The following GALNT9 variants were observed in gnomAD, a reference collection of about 807,000 sequenced individuals.
The protein encoded by GALNT9 is GalNAc transferase 9.
A neutral mutation model predicts 63.1 loss-of-function variants in GALNT9; 47 were observed. The ratio of observed to expected loss-of-function variants is 0.75; its 90% CI spans 0.59 to 0.95. The LOEUF is 0.95. GALNT9 is among the 40% of genes least tolerant of loss of function. The probability of loss-of-function intolerance (pLI) is 0.00; values close to 1 mark genes in which losing one functional copy is unlikely to be tolerated. For missense variants in GALNT9, 829 were observed against 874.8 expected (o/e 0.95, Z 0.66); for synonymous variants, 396 against 365.7 (o/e 1.08, Z -0.94).
At chr12:132,269,892 G>A (rs1879804720) in intron 2 of GALNT9, among the ~76,000 whole-genome samples, 1 of 152,198 alleles carries the variant, frequency 6.6e-6, no homozygotes, top group Non-Finnish European at 1.5e-5. Flanking sequence ...CAGTTTCCCA[G>A]ATAACTTAGG....
At chr12:132,197,291 C>T (rs375220597) in intron 10 of GALNT9, 38 bp from the exon 11 acceptor site, 97 of 1,600,886 alleles carry the variant, frequency 6.1e-5, no homozygotes, top group African/African-American at 3.9e-4. Context: ...CAGGTGCAGG[C>T]GTCCTTGTTC....
rs2136895098 is a variant in GALNT9, at chr12:132,236,978, C to T, written c.1077+10932G>A. 7.9e-5 allele frequency among the ~76,000 whole-genome samples: 12 copies of T among 152,322 alleles called. No homozygotes were observed. The highest frequency in any genetic ancestry group is 3.9e-4 in the Admixed American group (6 of 15,306). On this transcript the variant is annotated intron_variant, in intron 6 of 10. Transcript: ENST00000328957. The surrounding 1 kb of genome is among the most constrained non-coding windows in gnomAD (Gnocchi z 5.6). ...TATCCTCATCCAATCTGGTAACCCT[C>T]GTATCCTGGATCTCTCCGGGTGCTC...
At chr12:132,287,072 C>A (rs868938554) in intron 1 of GALNT9, among the ~76,000 whole-genome samples, 11 of 107,516 alleles carry the variant, frequency 1.0e-4, no homozygotes, top group Non-Finnish European at 1.9e-4. Flanking sequence ...CCCCCCCCCC[C>A]CCGTGAGCCA....
intron 1 of GALNT9, among the ~76,000 whole-genome samples, chr12:132,291,407 C>T (rs1483396755): frequency 3.2e-5 from 4 of 124,162 alleles, no homozygotes; most frequent in Non-Finnish European, 5.0e-5. Context: ...ACGTCCACAG[C>T]GCACACGTCC....
At chr12:132,244,984 G>C (rs1237988891) in intron 6 of GALNT9, among the ~76,000 whole-genome samples, 8 of 151,664 alleles carry the variant, frequency 5.3e-5, no homozygotes, top group African/African-American at 1.9e-4. Flanking sequence ...GAGAGGTCAG[G>C]GGGAGAGGTC....
chr12:132,321,811 G>A (rs1868813057), intron 1 of GALNT9, among the ~76,000 whole-genome samples: 1 of 151,436 alleles, frequency 6.6e-6, no homozygotes, highest in Non-Finnish European at 1.5e-5. Flanking sequence ...CCTCACACAG[G>A]AGCCCACACA....
At chr12:132,254,063 C>T (rs1428338285) in intron 5 of GALNT9, among the ~76,000 whole-genome samples, 1 of 151,836 alleles carries the variant, frequency 6.6e-6, no homozygotes, top group African/African-American at 2.4e-5. Context: ...CTCTCGTTGC[C>T]CAGGCTGGAG....
intron 6 of GALNT9, among the ~76,000 whole-genome samples, chr12:132,230,778 C>A (rs36154438): frequency 1.3e-5 from 2 of 152,104 alleles, no homozygotes; most frequent in African/African-American, 4.8e-5. Context: ...TATGTGTTAA[C>A]GGGGTAACAG....
chr12:132,224,749 C>T (rs1285220472), intron 6 of GALNT9, among the ~76,000 whole-genome samples: 2 of 142,290 alleles, frequency 1.4e-5, no homozygotes, highest in Non-Finnish European at 3.1e-5. Flanking sequence ...CCCCACACCC[C>T]TCCCACACCC....
rs531209937 is a variant in GALNT9 at position 132,291,806 on chromosome 12, G to A, written c.239-5376C>T. ...CCCCCCTGCTTCCCCATCCCCTCCT[G>A]TCCCCACACCCTCAGTTGTCCATTC... is the stretch of plus-strand genomic sequence containing the variant. On this transcript the variant is annotated intron_variant, in intron 1 of 10. Coordinates refer to ENST00000328957, the MANE Select transcript of GALNT9 (RefSeq NM_001122636.2). 3.4e-3 allele frequency among the ~76,000 whole-genome samples: 517 copies of A among 151,874 alleles called. 3 individuals carry two copies. The highest frequency in any genetic ancestry group is 0.012 in the African/African-American group (488 of 41,356).
Position 132,205,328 on chromosome 12 carries a change from G to A in GALNT9, c.1078-1638C>T, listed in dbSNP as rs754366567. The A allele has an allele frequency of 2.0e-5, 3 of 152,244 alleles. No individual in the cohort carries two copies. In the East Asian group the frequency reaches 5.8e-4, roughly 29 times the overall value. The allele number at this position is 152,244 out of a possible 1,614,324, so 9.4% of individuals were successfully genotyped here. Reference sequence around the variant, plus strand: ...TTCAGGAAGCCGAGTCCCAGGGAGAGAGAGAACCGGGAGGCCGTATCGCCG... The same window carrying A: ...TTCAGGAAGCCGAGTCCCAGGGAGAAAGAGAACCGGGAGGCCGTATCGCCG... On this transcript the variant is annotated intron_variant, in intron 6 of 10. Coordinates refer to ENST00000328957, the MANE Select transcript of GALNT9 (RefSeq NM_001122636.2).
Position 132,207,912 on chromosome 12 carries a change from C to A in GALNT9, c.1078-4222G>T, listed in dbSNP as rs190806889. On this transcript the variant is annotated intron_variant, in intron 6 of 10. Transcript: ENST00000328957. ...CAGGGAAAGAACAAGACAGCCCCCA[C>A]CCCCCACCACGACTCCTCGCGCAAG... Among the ~76,000 whole-genome samples, 351 of 152,202 alleles carry A rather than the reference C, an allele frequency of 2.3e-3. 1 individual carries two copies. The highest frequency in any genetic ancestry group is 7.2e-3 in the African/African-American group (298 of 41,548).
intron 6 of GALNT9, among the ~76,000 whole-genome samples, chr12:132,214,017 C>T (rs1877081908): frequency 6.6e-6 from 1 of 152,238 alleles, no homozygotes; most frequent in African/African-American, 2.4e-5. Flanking sequence ...CCCCCGCTCC[C>T]TGCCAGGTCA....
At chr12:132,294,267 T>C (rs1880968153) in intron 1 of GALNT9, among the ~76,000 whole-genome samples, 1 of 152,162 alleles carries the variant, frequency 6.6e-6, no homozygotes, top group East Asian at 1.9e-4. Flanking sequence ...AGCAGAGAGA[T>C]GGGAGTCGCC....
rs542144047 is a variant in GALNT9 at position 132,248,113 on chromosome 12, G to A, written c.960-86C>T. 14 of 1,481,108 alleles carry A rather than the reference G, an allele frequency of 9.5e-6. No homozygotes were observed. In the Admixed American group the frequency reaches 2.4e-4, roughly 25 times the overall value. The allele number at this position is 1,481,108 out of a possible 1,614,324, so 91.7% of individuals were successfully genotyped here. A position where few individuals can be genotyped will look rare whatever the true frequency, so the allele number is the denominator to read the frequency against. The stretch of plus-strand genomic sequence containing the variant: ...GGCCATGAGCCAGGAAAGCCTGGAA[G>A]ACCCCACCACCCCTCCCTCCTGTGC... On this transcript the variant is annotated intron_variant, in intron 5 of 10. Coordinates refer to ENST00000328957, the MANE Select transcript of GALNT9 (RefSeq NM_001122636.2).
intron 6 of GALNT9, among the ~76,000 whole-genome samples, chr12:132,224,752 CCA>C (rs1388767766): frequency 1.4e-5 from 2 of 143,666 alleles, no homozygotes; most frequent in African/African-American, 5.2e-5. Flanking sequence ...CACACCCCTC[CCA>C]CACCCCACAC....
intron 7 of GALNT9, 147 bp from the exon 8 acceptor site, chr12:132,201,408 T>G (rs59310537): frequency 0.58 from 348,754 of 601,568 alleles, 102,200 homozygotes; most frequent in African/African-American, 0.62. Flanking sequence ...CCCCATCCAG[T>G]TGGGACCCCC....
chr12:132,248,057 C>A, intron 5 of GALNT9, 30 bp from the exon 6 acceptor site: 1 of 1,535,018 alleles, frequency 6.5e-7, no homozygotes, highest in South Asian at 1.2e-5. Flanking sequence ...GCGTGAGGAC[C>A]TCGCCATGCA....
In GALNT9 at chr12:132,201,281, T is replaced by C. The variant is rs11246988; in HGVS notation, c.1264-20A>G. ...TGGGTTCTGCAAGGCCAGAAGTAGG[T>C]GAGAGGGTACATGGGTGTCACCATG... On this transcript the variant is annotated intron_variant, in intron 7 of 10. Transcript: ENST00000328957. 0.6 allele frequency: 945,585 copies of C among 1,587,722 alleles called. 284,435 individuals are homozygous for C. Among genetic ancestry groups the C allele is most frequent in the Non-Finnish European group, 0.61 (708,973 of 1,157,574 alleles).
Sources: allele counts gnomAD v4.1 joint callset (sites outside exome capture counted in the v4.1 genomes callset), GRCh38; gene constraint gnomAD v4.1.1; non-coding constraint Gnocchi (gnomAD v3.1); transcripts MANE v1.5; gene names NCBI Gene and HGNC (gene_info 2026-07-23, HGNC 2026-07-21).